The following ZNF695 variants were observed in gnomAD, a reference collection of about 807,000 sequenced individuals.
ZNF695 encodes the protein zinc finger protein 695.
Under a neutral mutation model 11.2 loss-of-function variants are expected in ZNF695, and 11 were observed. The ratio of observed to expected loss-of-function variants is 0.98; its 90% CI spans 0.62 to 1.62. ZNF695 has a LOEUF of 1.62. ZNF695 is among the 40% of genes most tolerant of loss of function. The pLI is 0.00. For missense variants in ZNF695, 559 were observed against 590.5 expected, an observed-to-expected ratio of 0.95 and a Z score of 0.55; for synonymous variants, 190 against 201.4, an observed-to-expected ratio of 0.94 and a Z score of 0.48.
chr1:246,963,871 T>C (rs1376873904), intron 5 of ZNF695, among the ~76,000 whole-genome samples: 5 of 152,178 alleles, frequency 3.3e-5, no homozygotes, highest in Non-Finnish European at 7.4e-5. Context: ...GCCCCTACTT[T>C]AGATGCCAGT....
chr1:246,959,648 G>A (rs1331047113), intron 5 of ZNF695, among the ~76,000 whole-genome samples: 1 of 151,736 alleles, frequency 6.6e-6, no homozygotes, highest in African/African-American at 2.4e-5. Context: ...GGCTGGTCTC[G>A]AACTCCTGAC....
At chr1:246,977,688 C>T (rs1668604936) in intron 4 of ZNF695, among the ~76,000 whole-genome samples, 1 of 152,212 alleles carries the variant, frequency 6.6e-6, no homozygotes, top group Non-Finnish European at 1.5e-5. Context: ...TAAAAACTTT[C>T]ATACATCTCA....
chr1:246,956,470 G>A (rs1423570126), intron 5 of ZNF695, among the ~76,000 whole-genome samples: 1 of 151,462 alleles, frequency 6.6e-6, no homozygotes, highest in African/African-American at 2.4e-5. Flanking sequence ...ACAAAAATTA[G>A]CCGGGCCTGG....
chr1:246,947,206 G>GTT (rs60695921), intron 5 of ZNF695, among the ~76,000 whole-genome samples: 1,454 of 124,910 alleles, frequency 0.012, 6 homozygotes, highest in Non-Finnish European at 0.018. Context: ...TGGGGGGGTG[G>GTT]TTTTTTTTTT....
chr1:247,000,230 G>A (rs1370128163), intron 1 of ZNF695, among the ~76,000 whole-genome samples, 156 bp from the exon 2 acceptor site: 1 of 152,216 alleles, frequency 6.6e-6, no homozygotes, highest in Non-Finnish European at 1.5e-5. Flanking sequence ...CTCTAGGCCG[G>A]GCGCGGCGGC....
chr1:246,988,101 C>T lies in ZNF695; in HGVS notation c.414G>A (p.Lys138=). 1 of 1,613,700 alleles carries T rather than the reference C, an allele frequency of 6.2e-7. No homozygotes were observed. Among genetic ancestry groups the T allele is most frequent in the Non-Finnish European group, 8.5e-7 (1 of 1,179,814 alleles). ...ATAGGTCAAGTCCATTATAACTTGC[C>T]TTCTGCCCTTTCCACTCACCCACAA... ...WEIVGEWKGQ[K]ASYNGLDLCS... is the part of the protein sequence containing the mutation. The change falls in exon 4 of 4, where the codon AAG becomes AAA. Residue 138 remains lysine, a synonymous_variant. Coordinates refer to ENST00000339986, the MANE Select transcript of ZNF695 (RefSeq NM_020394.5).
In ZNF695 at chr1:247,007,920, T is replaced by TG. The variant is rs1558323837; in HGVS notation, c.-13dup. ...CGCACACTCACCATTTCCCAGCTTT[T>TG]GGGGGTCCCAGCGTCCTCCCTATAA... On this transcript the variant is annotated 5_prime_UTR_variant, in exon 1 of 4. Transcript: ENST00000339986. 4 of 1,530,026 alleles carry TG rather than the reference T, an allele frequency of 2.6e-6. No homozygotes were observed. The highest frequency in any genetic ancestry group is 3.7e-5 in the Admixed American group (2 of 53,942). The allele number at this position is 1,530,026 out of a possible 1,614,324, so 94.8% of individuals were successfully genotyped here. A position where few individuals can be genotyped will look rare whatever the true frequency, so the allele number is the denominator to read the frequency against.
chr1:246,999,671 A>G (rs1192798632), intron 2 of ZNF695, among the ~76,000 whole-genome samples: 2 of 152,206 alleles, frequency 1.3e-5, no homozygotes, highest in East Asian at 3.8e-4. Flanking sequence ...TGGAAACTGG[A>G]TTTTGAAGTG....
At chr1:246,973,796 T>G (rs926425623) in intron 4 of ZNF695, among the ~76,000 whole-genome samples, 2 of 152,200 alleles carry the variant, frequency 1.3e-5, no homozygotes, top group African/African-American at 4.8e-5. Context: ...ATGATGGAAT[T>G]GGGATTCAAA....
At chr1:246,963,040 C>T (rs973555788) in intron 5 of ZNF695, among the ~76,000 whole-genome samples, 2 of 152,144 alleles carry the variant, frequency 1.3e-5, no homozygotes. Context: ...AGCAGGCAAA[C>T]CGGCTCCTGT....
intron 5 of ZNF695, among the ~76,000 whole-genome samples, chr1:246,946,337 C>G (rs537436414): frequency 6.6e-6 from 1 of 152,068 alleles, no homozygotes; most frequent in African/African-American, 2.4e-5. Flanking sequence ...AAAGCCTTTG[C>G]CTGTTCTTGC....
Position 246,993,840 on chromosome 1 carries a change from A to T in ZNF695, c.259+5508T>A, listed in dbSNP as rs544574574. Reference sequence around the variant, plus strand: ...TTATGGAGCTCAAGAATATAAGGTAAGCAAATGCTGAAAAAGTCATCAGTA... The same window carrying T: ...TTATGGAGCTCAAGAATATAAGGTATGCAAATGCTGAAAAAGTCATCAGTA... On this transcript the variant is annotated intron_variant, in intron 3 of 3. Transcript: ENST00000339986. Among the ~76,000 whole-genome samples the T allele has an allele frequency of 3.9e-5, 6 of 152,330 alleles. No individual in the cohort carries two copies. The South Asian group carries it at 1.0e-3, about 26-fold the overall frequency.
intron 5 of ZNF695, among the ~76,000 whole-genome samples, chr1:246,951,213 G>T (rs761211510): frequency 4.1e-4 from 62 of 152,084 alleles, no homozygotes; most frequent in Non-Finnish European, 7.2e-4. Flanking sequence ...GCGCTGAACT[G>T]TGTTCCCCAA....
At chr1:246,998,857 A>G (rs1669280030) in intron 3 of ZNF695, among the ~76,000 whole-genome samples, 2 of 151,936 alleles carry the variant, frequency 1.3e-5, no homozygotes, top group South Asian at 4.2e-4. Context: ...AGTCCCAGCT[A>G]CTCGGGAGAC....
chr1:246,982,611 A>C (rs1161269893), downstream of ZNF695, among the ~76,000 whole-genome samples: 1 of 152,202 alleles, frequency 6.6e-6, no homozygotes, highest in Non-Finnish European at 1.5e-5. Context: ...TTCTTTTAAC[A>C]AACAAACAAT....
At chr1:246,948,732 C>T (rs570699324) in intron 5 of ZNF695, among the ~76,000 whole-genome samples, 14 of 152,240 alleles carry the variant, frequency 9.2e-5, no homozygotes, top group Non-Finnish European at 1.6e-4. Flanking sequence ...GCACTAAGAG[C>T]AAACTTTTCA....
At chr1:246,952,937 A>C (rs1667902245) in intron 5 of ZNF695, among the ~76,000 whole-genome samples, 1 of 151,902 alleles carries the variant, frequency 6.6e-6, no homozygotes, top group African/African-American at 2.4e-5. Flanking sequence ...TTTTGTTTTA[A>C]AAAAGAAATT....
In ZNF695 at chr1:246,999,359, G is replaced by A. The variant is rs778837213; in HGVS notation, c.248C>T (p.Ala83Val). 6.2e-7 allele frequency: 1 copy of A among 1,613,350 alleles called. No homozygotes were observed. The highest frequency in any genetic ancestry group is 8.5e-7 in the Non-Finnish European group (1 of 1,179,454). Residue 83 changes from alanine to valine, a missense_variant, in exon 3 of 4, where the codon GCC (alanine) becomes GTC (valine). Transcript: ENST00000339986. Reference protein sequence around the residue: ...EPWNVNTEKTARHSVLSSYLT... With the variant: ...EPWNVNTEKTVRHSVLSSYLT... ...TCACTCCCACCTACCTGAGTGTCTG[G>A]CTGTCTTCTCTGTGTTCACGTTCCA...
chr1:247,007,970 G>T lies in ZNF695; in HGVS notation c.-62C>A. 6.9e-7 allele frequency: 1 copy of T among 1,445,836 alleles called. No homozygotes were observed. Among genetic ancestry groups the T allele is most frequent in the South Asian group, 1.5e-5 (1 of 65,530 alleles). The allele number at this position is 1,445,836 out of a possible 1,614,324, so 89.6% of individuals were successfully genotyped here. On this transcript the variant is annotated 5_prime_UTR_variant, in exon 1 of 4. In the 5' UTR this introduces an upstream ATG that the reference lacks. Coordinates refer to ENST00000339986, the MANE Select transcript of ZNF695 (RefSeq NM_020394.5). ...AATCTCGCAATACCTGCAGGCCACA[G>T]GGCGATGGAGCCTGCGGCAGTCACC...
Sources: gnomAD v4.1 joint callset for allele counts (sites outside exome capture counted in the v4.1 genomes callset) on GRCh38, gnomAD v4.1.1 for gene constraint, MANE v1.5 for transcripts, NCBI Gene and HGNC (gene_info 2026-07-23, HGNC 2026-07-21) for gene names.